The following HECW1 variants were observed in gnomAD, a reference collection of about 807,000 sequenced individuals.
HECW1 encodes the protein HECT, C2 and WW domain containing E3 ubiquitin protein ligase 1, also known as E3 ubiquitin-protein ligase HECW1.
Under a neutral mutation model 182.3 loss-of-function variants are expected in HECW1, and 61 were observed. The ratio of observed to expected loss-of-function variants is 0.33; its 90% CI spans 0.27 to 0.41. The LOEUF (loss-of-function observed/expected upper bound fraction) is 0.41, where lower values mean the gene tolerates loss of function less well. Ranked by LOEUF, HECW1 falls within the 10% of genes least tolerant of loss-of-function variation. The probability of loss-of-function intolerance (pLI) is 1.00; values close to 1 mark genes in which losing one functional copy is unlikely to be tolerated. For synonymous variants in HECW1, 859 were observed against 832.6 expected (o/e 1.03, Z -0.55); for missense variants, 1,739 against 2,108.9 (o/e 0.82, Z 3.44).
At chr7:43,325,886 G>A (rs887759986) in intron 5 of HECW1, among the ~76,000 whole-genome samples, 1 of 152,180 alleles carries the variant, frequency 6.6e-6, no homozygotes, top group African/African-American at 2.4e-5. Context: ...CCCATCAGAA[G>A]AACGCCCCTC....
intron 3 of HECW1, among the ~76,000 whole-genome samples, chr7:43,250,761 G>T (rs1317818490): frequency 2.0e-5 from 3 of 152,128 alleles, no homozygotes. Context: ...TTTTAGGTTT[G>T]ATTTTATTAA....
At chr7:43,504,973 G>A (rs2079518509) in intron 21 of HECW1, among the ~76,000 whole-genome samples, 2 of 152,118 alleles carry the variant, frequency 1.3e-5, no homozygotes, top group Non-Finnish European at 2.9e-5. Context: ...CTAATCTCCG[G>A]CAGCGTGTAA....
rs150757483 is a variant in HECW1 at position 43,375,098 on chromosome 7, A to G, written c.555+14118A>G. Reference sequence around the variant, plus strand: ...GTTAAGAACATTGTGAAATTTCCTAAAATTTCCTTCAGTTTCTTGCATTGA... The same window carrying G: ...GTTAAGAACATTGTGAAATTTCCTAGAATTTCCTTCAGTTTCTTGCATTGA... On this transcript the variant is annotated intron_variant, in intron 6 of 29. Transcript: ENST00000395891. Among the ~76,000 whole-genome samples, 372 of 152,334 alleles carry G rather than the reference A, an allele frequency of 2.4e-3. 1 individual carries two copies. The highest frequency in any genetic ancestry group is 7.5e-3 in the Admixed American group (114 of 15,294).
chr7:43,172,946 G>A (rs771509916), intron 2 of HECW1, among the ~76,000 whole-genome samples: 1 of 152,196 alleles, frequency 6.6e-6, no homozygotes, highest in East Asian at 1.9e-4. Flanking sequence ...TCTAGCCCTT[G>A]AATGTGCCTT....
intron 26 of HECW1, among the ~76,000 whole-genome samples, chr7:43,549,188 A>G (rs1274899688): frequency 6.6e-6 from 1 of 152,218 alleles, no homozygotes; most frequent in Non-Finnish European, 1.5e-5. Context: ...ATTTACTTAC[A>G]TGCCACACCT....
At chr7:43,505,684 C>T (rs959094675) in intron 21 of HECW1, among the ~76,000 whole-genome samples, 5 of 152,126 alleles carry the variant, frequency 3.3e-5, no homozygotes, top group African/African-American at 1.2e-4. Flanking sequence ...TCTTCTTCTC[C>T]CAGCTCATCT....
In HECW1 at chr7:43,243,209, G is replaced by A. The variant is rs1195805938; in HGVS notation, c.-31-666G>A. Among the ~76,000 whole-genome samples, 1 of 152,148 alleles carries A rather than the reference G, an allele frequency of 6.6e-6. No homozygotes were observed. Among genetic ancestry groups the A allele is most frequent in the Non-Finnish European group, 1.5e-5 (1 of 68,020 alleles). On this transcript the variant is annotated intron_variant, in intron 2 of 29. Transcript: ENST00000395891. This position sits in a 1 kb window ranked among gnomAD's most constrained non-coding sequence, Gnocchi z 4.0. ...TACCTGGATTAAGAGGGCCCTGACA[G>A]ATGATGCCGTCAGCAACTGTCCCAT...
chr7:43,392,303 G>C (rs1198855220), intron 6 of HECW1, among the ~76,000 whole-genome samples: 1 of 151,734 alleles, frequency 6.6e-6, no homozygotes, highest in African/African-American at 2.4e-5. Flanking sequence ...TATGTAAATG[G>C]AGTTATCACA....
chr7:43,494,121 C>A (rs959450571), intron 19 of HECW1, among the ~76,000 whole-genome samples: 3 of 152,124 alleles, frequency 2.0e-5, no homozygotes, highest in Non-Finnish European at 4.4e-5. Context: ...CCTTGCCACT[C>A]CCGCCAGAAT....
intron 2 of HECW1, among the ~76,000 whole-genome samples, chr7:43,237,128 A>C (rs1385155931): frequency 6.8e-6 from 1 of 147,316 alleles, no homozygotes; most frequent in African/African-American, 2.5e-5. Context: ...AAAAGAAGGA[A>C]GGAAGGAAGG....
At chr7:43,182,005 C>T (rs1379452189) in intron 2 of HECW1, among the ~76,000 whole-genome samples, 4 of 151,894 alleles carry the variant, frequency 2.6e-5, no homozygotes, top group South Asian at 4.1e-4. Context: ...AGGAAGGTCT[C>T]GATCTCCTGA....
intron 3 of HECW1, among the ~76,000 whole-genome samples, chr7:43,283,519 A>G (rs1353781430): frequency 6.6e-6 from 1 of 152,230 alleles, no homozygotes; most frequent in Non-Finnish European, 1.5e-5. Flanking sequence ...CAAATGAACC[A>G]ATATAAATAG....
At position 43,392,828 on chromosome 7, in the gene HECW1, T is replaced by G. The variant is rs867638298; in HGVS notation, c.556-3986T>G. Among the ~76,000 whole-genome samples the G allele has an allele frequency of 1.4e-4, 22 of 152,302 alleles. 1 individual carries two copies. Among genetic ancestry groups the G allele is most frequent in the Middle Eastern group, 3.4e-3 (1 of 294 alleles). The stretch of plus-strand genomic sequence containing the variant: ...GGGAGCCCTGTCAACTGAGCTATAG[T>G]CTCCGGACTGCTGAAACAGAAGATC... On this transcript the variant is annotated intron_variant, in intron 6 of 29. Transcript: ENST00000395891.
chr7:43,531,377 C>G, intron 24 of HECW1, among the ~76,000 whole-genome samples: 1 of 152,208 alleles, frequency 6.6e-6, no homozygotes, highest in East Asian at 1.9e-4. Context: ...GTGTCTATCT[C>G]CCTTCCTAGC....
intron 2 of HECW1, among the ~76,000 whole-genome samples, chr7:43,220,200 A>T (rs532399516): frequency 3.3e-5 from 5 of 152,246 alleles, no homozygotes; most frequent in Non-Finnish European, 5.9e-5. Flanking sequence ...CAGTTTTATT[A>T]TAGCAAAAGG....
intron 6 of HECW1, among the ~76,000 whole-genome samples, chr7:43,373,186 C>T (rs912620210): frequency 6.8e-6 from 1 of 147,544 alleles, no homozygotes; most frequent in East Asian, 2.0e-4. Context: ...ACGTTGGTGT[C>T]GTTCTGCCTT....
intron 3 of HECW1, among the ~76,000 whole-genome samples, chr7:43,283,066 C>T (rs540363895): frequency 2.6e-5 from 4 of 151,390 alleles, no homozygotes; most frequent in South Asian, 4.2e-4. Flanking sequence ...TGCAGTGAGC[C>T]GAGATCATGT....
At chr7:43,518,159 C>T (rs2080251159) in intron 24 of HECW1, among the ~76,000 whole-genome samples, 1 of 151,870 alleles carries the variant, frequency 6.6e-6, no homozygotes, top group Non-Finnish European at 1.5e-5. Context: ...TGGTAGAGAC[C>T]TTTTTAGAGA....
chr7:43,139,474 A>G (rs2152630780), intron 2 of HECW1, among the ~76,000 whole-genome samples: 1 of 152,126 alleles, frequency 6.6e-6, no homozygotes, highest in East Asian at 1.9e-4. Flanking sequence ...CTGTGAATCC[A>G]TTTCCTACTT....
Sources: gnomAD v4.1 joint callset for allele counts (sites outside exome capture counted in the v4.1 genomes callset) on GRCh38, gnomAD v4.1.1 for gene constraint, Gnocchi (gnomAD v3.1) non-coding constraint, MANE v1.5 for transcripts, NCBI Gene and HGNC (gene_info 2026-07-23, HGNC 2026-07-21) for gene names.